Variants in OR2T12 observed in about 807,000 individuals in gnomAD.
OR2T12 encodes the protein olfactory receptor family 2 subfamily T member 12, also known as olfactory receptor 2T12.
For synonymous variants in OR2T12, 127 were observed against 160.5 expected, an observed-to-expected ratio of 0.79 and a Z score of 1.58; for missense variants, 335 against 404.3, an observed-to-expected ratio of 0.83 and a Z score of 1.47.
chr1:248,302,191 CAT>C (rs1659820999), intron 1 of OR2T12, among the ~76,000 whole-genome samples: 1 of 152,030 alleles, frequency 6.6e-6, no homozygotes, highest in South Asian at 2.1e-4. Context: ...ACAAATCTCT[CAT>C]ATTGGCAATA....
intron 2 of OR2T12, among the ~76,000 whole-genome samples, chr1:248,298,708 C>T (rs1659770876): frequency 6.6e-6 from 1 of 151,416 alleles, no homozygotes; most frequent in African/African-American, 2.4e-5. Context: ...TCCCCTTTAT[C>T]ATTTTTTATT....
intron 2 of OR2T12, among the ~76,000 whole-genome samples, chr1:248,300,142 G>A (rs1014809093): frequency 1.3e-5 from 2 of 152,078 alleles, no homozygotes; most frequent in East Asian, 3.9e-4. Context: ...TGTCTAATAT[G>A]TGATCGAGTT....
rs1172656782 is a variant in OR2T12 at position 248,293,444 on chromosome 1, A to G, written c.*1172T>C. ...CCTTTATCATAAAACTCTCTAAGACAATTTGATATCCAGTCTCTGATTACA... is the reference window on the plus strand; with the variant it reads ...CCTTTATCATAAAACTCTCTAAGACGATTTGATATCCAGTCTCTGATTACA... On this transcript the variant is annotated 3_prime_UTR_variant, in exon 3 of 3. Coordinates refer to ENST00000641276, the MANE Select transcript of OR2T12 (RefSeq NM_001004692.2). The G allele has an allele frequency of 6.6e-6, 1 of 152,128 alleles. No homozygotes were observed. The highest frequency in any genetic ancestry group is 2.4e-5 in the African/African-American group (1 of 41,436). The allele number at this position is 152,128 out of a possible 1,614,324, so 9.4% of individuals were successfully genotyped here. A position where few individuals can be genotyped will look rare whatever the true frequency, so the allele number is the denominator to read the frequency against.
chr1:248,295,636 G>T, intron 2 of OR2T12, 50 bp from the exon 3 acceptor site: 1 of 1,535,598 alleles, frequency 6.5e-7, no homozygotes, highest in Non-Finnish European at 8.7e-7. Context: ...GGCTTTTATG[G>T]TCTGAATAAC....
chr1:248,296,137 G>A (rs1233312259), intron 2 of OR2T12, among the ~76,000 whole-genome samples: 1 of 152,042 alleles, frequency 6.6e-6, no homozygotes, highest in Non-Finnish European at 1.5e-5. Context: ...AGTTTACTGA[G>A]AATGATGATT....
rs1354717653 is a variant in OR2T12, at chr1:248,292,866, A to G, written c.*1750T>C. 6.6e-6 allele frequency: 1 copy of G among 152,090 alleles called. No homozygotes were observed. The highest frequency in any genetic ancestry group is 1.5e-5 in the Non-Finnish European group (1 of 67,980). 9.4% of individuals were successfully genotyped at this position (152,090 alleles called of 1,614,324 possible). On this transcript the variant is annotated 3_prime_UTR_variant, in exon 3 of 3. Transcript: ENST00000641276. ...GGCTTAGTTTACCATTTGTAACTCA[A>G]CGTGTTCTAAAATAATTTCTCTGAT...
rs1156245734 is a variant in OR2T12, at chr1:248,291,779, A to G, written c.*2837T>C. The G allele has an allele frequency of 6.6e-6, 1 of 151,480 alleles. No individual in the cohort carries two copies. Among genetic ancestry groups the G allele is most frequent in the Middle Eastern group, 3.2e-3 (1 of 316 alleles). The allele number at this position is 151,480 out of a possible 1,614,324, so 9.4% of individuals were successfully genotyped here. On this transcript the variant is annotated 3_prime_UTR_variant, in exon 3 of 3. Transcript: ENST00000641276. ...AAACAGAACAGAGGCCTCAGAATTC[A>G]TGCCATACAACCATCTCTTCTTTGA...
At chr1:248,300,992 C>T (rs1370035551) in intron 2 of OR2T12, among the ~76,000 whole-genome samples, 1 of 152,120 alleles carries the variant, frequency 6.6e-6, no homozygotes, top group Non-Finnish European at 1.5e-5. Context: ...AAATTGATTA[C>T]AAATGTAAAT....
intron 2 of OR2T12, 89 bp downstream of exon 2, chr1:248,301,284 A>T (rs1659808226): frequency 6.6e-6 from 1 of 152,100 alleles, no homozygotes; most frequent in South Asian, 2.1e-4. Context: ...TATTCAATAA[A>T]ATTCTATAAA....
In OR2T12 at chr1:248,294,874, G is replaced by C. The variant is rs1253157086; in HGVS notation, c.705C>G (p.Ala235=). ...CCACATGTGAAGAGCAGGTGGCAAA[G>C]GCCTTCTTGCGGGCTTCTGTAGAGC... ...LMRSTEARKK[A]FATCSSHVAV... is the part of the protein sequence containing the mutation. Residue 235 remains alanine (A), a synonymous_variant, in exon 3 of 3, where the codon GCC becomes GCG. Transcript: ENST00000641276. The C allele has an allele frequency of 1.9e-6, 3 of 1,612,302 alleles. No homozygotes were observed. The highest frequency in any genetic ancestry group is 2.2e-5 in the East Asian group (1 of 44,884).
At chr1:248,299,995 A>G (rs1000141808) in intron 2 of OR2T12, among the ~76,000 whole-genome samples, 7 of 152,224 alleles carry the variant, frequency 4.6e-5, no homozygotes, top group Admixed American at 1.3e-4. Context: ...AACAAGAACA[A>G]AGACACAATA....
rs1659809898 is a variant in OR2T12, at chr1:248,301,394, G to C, written c.-30C>G. ...TTACCTTTAGGCACCAGGAATATGA[G>C]ACCCAATCCTGAAGCTCAGTGTAAG... On this transcript the variant is annotated 5_prime_UTR_variant, in exon 2 of 3. Coordinates refer to ENST00000641276, the MANE Select transcript of OR2T12 (RefSeq NM_001004692.2). 1 of 152,032 alleles carries C rather than the reference G, an allele frequency of 6.6e-6. No individual in the cohort carries two copies. Among genetic ancestry groups the C allele is most frequent in the African/African-American group, 2.4e-5 (1 of 41,404 alleles). 9.4% of individuals were successfully genotyped at this position (152,032 alleles called of 1,614,324 possible). A position where few individuals can be genotyped will look rare whatever the true frequency, so the allele number is the denominator to read the frequency against.
intron 2 of OR2T12, among the ~76,000 whole-genome samples, chr1:248,296,124 A>T (rs1030999485): frequency 6.6e-6 from 1 of 151,744 alleles, no homozygotes; most frequent in East Asian, 2.0e-4. Flanking sequence ...TTGTCCTTGC[A>T]ATAGTTTACT....
At chr1:248,298,430 A>T (rs1200007480) in intron 2 of OR2T12, among the ~76,000 whole-genome samples, 1 of 152,230 alleles carries the variant, frequency 6.6e-6, no homozygotes, top group South Asian at 2.1e-4. Context: ...GGAATGGTAC[A>T]AGTTCCTCCT....
Position 248,293,740 on chromosome 1 carries a change from G to A in OR2T12, c.*876C>T, listed in dbSNP as rs1316151718. 6.6e-6 allele frequency: 1 copy of A among 152,118 alleles called. No homozygotes were observed. The highest frequency in any genetic ancestry group is 1.5e-5 in the Non-Finnish European group (1 of 68,004). 9.4% of individuals were successfully genotyped at this position (152,118 alleles called of 1,614,324 possible). A position where few individuals can be genotyped will look rare whatever the true frequency, so the allele number is the denominator to read the frequency against. On this transcript the variant is annotated 3_prime_UTR_variant, in exon 3 of 3. Transcript: ENST00000641276. Reference sequence around the variant, plus strand: ...CATGCAATTCAGAGTTCATATCGATGGAGGTATGTCAATAAGTCAAGGTAA... The same window carrying A: ...CATGCAATTCAGAGTTCATATCGATAGAGGTATGTCAATAAGTCAAGGTAA...
At position 248,293,904 on chromosome 1, in the gene OR2T12, A is replaced by C. The variant is rs2103037080; in HGVS notation, c.*712T>G. On this transcript the variant is annotated 3_prime_UTR_variant, in exon 3 of 3. Transcript: ENST00000641276. The stretch of plus-strand genomic sequence containing the variant: ...AATTTAAAAAAGTTTGCCTTAAAAC[A>C]CCAAATAAAAAGAGACTGGAAAAAA... 6.6e-6 allele frequency: 1 copy of C among 152,180 alleles called. No individual in the cohort carries two copies. The highest frequency in any genetic ancestry group is 2.4e-5 in the African/African-American group (1 of 41,568). 9.4% of individuals were successfully genotyped at this position (152,180 alleles called of 1,614,324 possible).
chr1:248,299,579 T>C (rs1485686448), intron 2 of OR2T12, among the ~76,000 whole-genome samples: 1 of 152,030 alleles, frequency 6.6e-6, no homozygotes, highest in South Asian at 2.1e-4. Context: ...TCCCACACAA[T>C]AATAATGGAA....
rs1222437418 is a variant in OR2T12 at position 248,294,853 on chromosome 1, A to C, written c.726T>G (p.His242Gln). The C allele has an allele frequency of 1.2e-6, 2 of 1,612,774 alleles. No individual in the cohort carries two copies. Residue 242 changes from histidine (H) to glutamine (Q), a missense_variant, in exon 3 of 3, where the codon CAT becomes CAG. Transcript: ENST00000641276. ...CATAAAAGAGTCCCACCACAGCCAC[A>C]TGTGAAGAGCAGGTGGCAAAGGCCT... is the stretch of plus-strand genomic sequence containing the variant. Reference protein sequence around the residue: ...RKKAFATCSSHVAVVGLFYGA... With the variant: ...RKKAFATCSSQVAVVGLFYGA...
chr1:248,299,670 C>T (rs1166237757), intron 2 of OR2T12, among the ~76,000 whole-genome samples: 1 of 152,068 alleles, frequency 6.6e-6, no homozygotes. Flanking sequence ...GAACTCAGCT[C>T]TGCACCAAGC....
Sources: allele counts gnomAD v4.1 joint callset (sites outside exome capture counted in the v4.1 genomes callset), GRCh38; gene constraint gnomAD v4.1.1; transcripts MANE v1.5; gene names NCBI Gene and HGNC (gene_info 2026-07-23, HGNC 2026-07-21).